The following VWA8 variants were observed in gnomAD, a reference collection of about 807,000 sequenced individuals.
VWA8 encodes the protein von Willebrand factor A domain containing 8.
In VWA8, 221 loss-of-function variants were observed where a neutral mutation model predicts 241.5. That is an observed-to-expected ratio of 0.91 (90% CI 0.82 to 1.02). The LOEUF (loss-of-function observed/expected upper bound fraction) is 1.02, where lower values mean the gene tolerates loss of function less well. VWA8 is among the 50% of genes least tolerant of loss of function. VWA8 has a pLI of 0.00. For missense variants in VWA8, 2,322 were observed against 2,328.7 expected, an observed-to-expected ratio of 1.00 and a Z score of 0.06; for synonymous variants, 852 against 827.1, an observed-to-expected ratio of 1.03 and a Z score of -0.52.
intron 17 of VWA8, among the ~76,000 whole-genome samples, chr13:41,804,022 A>T (rs1870076623): frequency 6.6e-6 from 1 of 152,164 alleles, no homozygotes; most frequent in African/African-American, 2.4e-5. Flanking sequence ...ATCAAAAAGA[A>T]TAAAACATGA....
chr13:41,628,622 T>C (rs2044707909), intron 37 of VWA8, among the ~76,000 whole-genome samples: 1 of 152,182 alleles, frequency 6.6e-6, no homozygotes, highest in Admixed American at 6.5e-5. Flanking sequence ...AATCATGTTT[T>C]TTGCAGCAAC....
intron 9 of VWA8, among the ~76,000 whole-genome samples, chr13:41,878,719 G>A (rs1007169207): frequency 2.6e-5 from 4 of 151,830 alleles, no homozygotes; most frequent in African/African-American, 4.8e-5. Flanking sequence ...CAATATAAAC[G>A]CAATCATTTT....
intron 12 of VWA8, among the ~76,000 whole-genome samples, chr13:41,858,915 T>C (rs1593822722): frequency 1.3e-5 from 2 of 151,976 alleles, no homozygotes; most frequent in South Asian, 4.1e-4. Context: ...CAGACTCATA[T>C]AAAAAATCAG....
intron 26 of VWA8, among the ~76,000 whole-genome samples, chr13:41,708,143 AG>A (rs1333023233): frequency 5.3e-5 from 8 of 152,084 alleles, no homozygotes; most frequent in African/African-American, 1.9e-4. Flanking sequence ...GGATCACCTG[AG>A]GTCGGGAGTT....
intron 2 of VWA8, among the ~76,000 whole-genome samples, chr13:41,928,997 G>T (rs1394757954): frequency 6.6e-6 from 1 of 152,050 alleles, no homozygotes; most frequent in Admixed American, 6.6e-5. Flanking sequence ...GCAGTATACA[G>T]ATTCCATGCA....
intron 2 of VWA8, among the ~76,000 whole-genome samples, chr13:41,917,732 A>C (rs1876326646): frequency 1.3e-5 from 2 of 152,230 alleles, no homozygotes; most frequent in African/African-American, 4.8e-5. Flanking sequence ...CCTAGAGGCA[A>C]ATCTGAAGAA....
intron 26 of VWA8, among the ~76,000 whole-genome samples, chr13:41,710,685 T>C (rs1013644078): frequency 2.0e-5 from 3 of 152,154 alleles, no homozygotes; most frequent in African/African-American, 7.2e-5. Context: ...GAAAAAACTA[T>C]GACTACAAAA....
At chr13:41,783,593 G>A (rs1026554951) in intron 19 of VWA8, among the ~76,000 whole-genome samples, 6 of 150,432 alleles carry the variant, frequency 4.0e-5, no homozygotes, top group African/African-American at 9.8e-5. Context: ...AGCCGAGATC[G>A]TGCTACTGCA....
intron 14 of VWA8, among the ~76,000 whole-genome samples, chr13:41,824,923 A>G (rs1023680494): frequency 6.6e-6 from 1 of 152,098 alleles, no homozygotes; most frequent in African/African-American, 2.4e-5. Context: ...TGCTCAGTAT[A>G]TCAATGACAG....
rs534737605 is a variant in VWA8 at position 41,736,929 on chromosome 13, C to T, written c.2427-4774G>A. Among the ~76,000 whole-genome samples the T allele has an allele frequency of 2.8e-4, 43 of 151,286 alleles. No individual in the cohort carries two copies. In the South Asian group the frequency reaches 8.4e-3, roughly 29 times the overall value. The stretch of plus-strand genomic sequence containing the variant: ...CATGATCTTGGCTCGCTGCAACCTC[C>T]GCTTCCCAGGTTCAAGTGATTCTCC... On this transcript the variant is annotated intron_variant, in intron 21 of 44. Coordinates refer to ENST00000379310, the MANE Select transcript of VWA8 (RefSeq NM_015058.2).
intron 12 of VWA8, among the ~76,000 whole-genome samples, chr13:41,857,131 C>T (rs1872786977): frequency 6.6e-6 from 1 of 152,012 alleles, no homozygotes; most frequent in African/African-American, 2.4e-5. Context: ...GTTTCTGGCA[C>T]TTTGACATAA....
intron 2 of VWA8, 96 bp downstream of exon 2, chr13:41,949,840 G>A (rs1308168431): frequency 4.4e-6 from 3 of 680,438 alleles, no homozygotes; most frequent in African/African-American, 1.8e-5. Flanking sequence ...AAAATCATTA[G>A]GTTTATACTA....
chr13:41,638,069 G>C (rs900095575), intron 37 of VWA8, among the ~76,000 whole-genome samples: 1 of 152,232 alleles, frequency 6.6e-6, no homozygotes, highest in Non-Finnish European at 1.5e-5. Flanking sequence ...GTTCAAAGAA[G>C]AAACAAACCA....
At chr13:41,926,115 A>G (rs745622761) in intron 2 of VWA8, 30 of 554,750 alleles carry the variant, frequency 5.4e-5, no homozygotes, top group Non-Finnish European at 9.0e-5. Context: ...TATTAGTAAG[A>G]AACTGCATCA....
At chr13:41,663,398 G>A (rs1468657478) in intron 37 of VWA8, among the ~76,000 whole-genome samples, 1 of 151,930 alleles carries the variant, frequency 6.6e-6, no homozygotes, top group Non-Finnish European at 1.5e-5. Flanking sequence ...TCTTATCAAA[G>A]TAATAAGCAT....
At chr13:41,739,538 A>C (rs9590638) in intron 21 of VWA8, among the ~76,000 whole-genome samples, 53,838 of 152,034 alleles carry the variant, frequency 0.35, 9,669 homozygotes, top group Admixed American at 0.37. Context: ...TGTTCATCAA[A>C]CAGAAAAAAT....
intron 10 of VWA8, 71 bp downstream of exon 10, chr13:41,868,275 A>G: frequency 6.3e-7 from 1 of 1,577,686 alleles, no homozygotes; most frequent in East Asian, 2.2e-5. Flanking sequence ...GGAGATCATA[A>G]ACCCAATTTA....
chr13:41,599,402 C>T (rs2044507953), intron 40 of VWA8, among the ~76,000 whole-genome samples: 1 of 152,112 alleles, frequency 6.6e-6, no homozygotes, highest in African/African-American at 2.4e-5. Flanking sequence ...ATTGTGAGAA[C>T]ACAAAGCAGA....
Position 41,729,644 on chromosome 13 carries a change from C to A in VWA8, c.2536G>T (p.Val846Leu). The A allele has an allele frequency of 6.2e-7, 1 of 1,612,796 alleles. No individual in the cohort carries two copies. The highest frequency in any genetic ancestry group is 8.5e-7 in the Non-Finnish European group (1 of 1,179,356). ...GTTGGAGCTTTGTCAGCCTCATCTACTACCAGAATATGACCCAACTTTACT... is the reference window on the plus strand; with the variant it reads ...GTTGGAGCTTTGTCAGCCTCATCTAATACCAGAATATGACCCAACTTTACT... ...KAVKLGHILV[V>L]DEADKAPTNV... is the part of the protein sequence containing the mutation. Residue 846 changes from valine to leucine, a missense_variant, in exon 23 of 45, where the codon GTA becomes TTA. Transcript: ENST00000379310.
Sources: gnomAD v4.1 joint callset for allele counts (sites outside exome capture counted in the v4.1 genomes callset) on GRCh38, gnomAD v4.1.1 for gene constraint, MANE v1.5 for transcripts, NCBI Gene and HGNC (gene_info 2026-07-23, HGNC 2026-07-21) for gene names.